CSMD1: variants seen among roughly 807,000 people sequenced by gnomAD.
CSMD1 encodes CUB and Sushi multiple domains 1.
In CSMD1, 213 loss-of-function variants were observed where a neutral mutation model predicts 417.5. The observed-to-expected ratio is 0.51, with a 90% CI of 0.46 to 0.57. The LOEUF is 0.57. Ranked by LOEUF, CSMD1 falls within the 20% of genes least tolerant of loss-of-function variation. The pLI is 0.00. For synonymous variants in CSMD1, 2,862 were observed against 1,736.8 expected (o/e 1.65, Z -16.11); for missense variants, 6,923 against 4,529.7 (o/e 1.53, Z -15.17).
intron 1 of CSMD1, among the ~76,000 whole-genome samples, chr8:4,895,478 T>C (rs1243241156): frequency 6.6e-6 from 1 of 152,174 alleles, no homozygotes; most frequent in Non-Finnish European, 1.5e-5. Context: ...TTGGCATTTG[T>C]CTAGTACATG....
intron 10 of CSMD1, among the ~76,000 whole-genome samples, chr8:3,549,526 T>A (rs1423885100): frequency 6.6e-6 from 1 of 152,176 alleles, no homozygotes; most frequent in African/African-American, 2.4e-5. Flanking sequence ...TCTCCTTTCT[T>A]GGATGGATAA....
intron 5 of CSMD1, among the ~76,000 whole-genome samples, chr8:3,953,929 C>G (rs895773946): frequency 1.3e-5 from 2 of 152,206 alleles, no homozygotes; most frequent in African/African-American, 4.8e-5. Context: ...ACGGCCCTGG[C>G]AAGGGTGGCT....
intron 10 of CSMD1, among the ~76,000 whole-genome samples, chr8:3,506,824 C>T (rs996448737): frequency 6.6e-6 from 1 of 152,044 alleles, no homozygotes; most frequent in African/African-American, 2.4e-5. Context: ...TTTTCAAGGT[C>T]TTAAATTTTA....
rs192801247 is a variant in CSMD1, at chr8:4,009,488, A to G, written c.611-11378T>C. Among the ~76,000 whole-genome samples, 17 of 152,332 alleles carry G rather than the reference A, an allele frequency of 1.1e-4. No homozygotes were observed. The East Asian group carries it at 3.3e-3, about 29-fold the overall frequency. ...ATACATTCAAACCATAGGGTCATCA[A>G]ATGTGTTTACCAAGCATTTATAATA... On this transcript the variant is annotated intron_variant, in intron 4 of 69. Transcript: ENST00000635120.
chr8:4,212,247 C>G (rs2131291037), intron 3 of CSMD1, among the ~76,000 whole-genome samples: 1 of 151,278 alleles, frequency 6.6e-6, no homozygotes, highest in East Asian at 1.9e-4. Flanking sequence ...AATTTTGCAT[C>G]CTTTAACTGA....
At chr8:3,161,602 G>A (rs1195123356) in intron 38 of CSMD1, among the ~76,000 whole-genome samples, 2 of 134,010 alleles carry the variant, frequency 1.5e-5, no homozygotes, top group Non-Finnish European at 3.1e-5. Context: ...CAGCCTGGGT[G>A]ACAGAGCGAG....
chr8:3,486,101 A>C (rs1186299373), intron 11 of CSMD1, among the ~76,000 whole-genome samples: 3 of 152,192 alleles, frequency 2.0e-5, no homozygotes, highest in Non-Finnish European at 4.4e-5. Flanking sequence ...TGGTGCATTA[A>C]ATGACAGTTC....
chr8:4,398,549 A>T (rs573349613), intron 3 of CSMD1, among the ~76,000 whole-genome samples: 3 of 151,718 alleles, frequency 2.0e-5, no homozygotes, highest in Non-Finnish European at 2.9e-5. Flanking sequence ...GCCCGCCACC[A>T]TGCCCGGCCA....
chr8:4,103,874 T>C (rs1240761616), intron 3 of CSMD1, among the ~76,000 whole-genome samples: 1 of 152,202 alleles, frequency 6.6e-6, no homozygotes, highest in African/African-American at 2.4e-5. Flanking sequence ...CTATATCTCT[T>C]GCAGTTAATA....
At chr8:4,574,064 G>C (rs988248081) in intron 2 of CSMD1, among the ~76,000 whole-genome samples, 1 of 152,110 alleles carries the variant, frequency 6.6e-6, no homozygotes, top group Non-Finnish European at 1.5e-5. Context: ...TGGACTCCAT[G>C]GGGGTGGGAC....
intron 1 of CSMD1, among the ~76,000 whole-genome samples, chr8:4,945,288 G>C (rs775366388): frequency 1.3e-5 from 2 of 152,146 alleles, no homozygotes; most frequent in Non-Finnish European, 2.9e-5. Context: ...CAGAGTTTTA[G>C]TTTTGCAAAA....
chr8:4,097,914 G>A (rs562492105), intron 3 of CSMD1, among the ~76,000 whole-genome samples: 10 of 152,156 alleles, frequency 6.6e-5, no homozygotes, highest in African/African-American at 2.4e-4. Context: ...GGAAGAAAAA[G>A]AGCATCATAT....
intron 49 of CSMD1, among the ~76,000 whole-genome samples, chr8:3,079,469 GATTGATAATGAA>G (rs1813926891): frequency 6.6e-6 from 1 of 152,102 alleles, no homozygotes; most frequent in Non-Finnish European, 1.5e-5. Flanking sequence ...CAGAGGAGAA[GATTGATAATGAA>G]ATAGAAGCAA....
intron 10 of CSMD1, among the ~76,000 whole-genome samples, chr8:3,531,548 T>G (rs528832310): frequency 6.6e-6 from 1 of 152,230 alleles, no homozygotes; most frequent in South Asian, 2.1e-4. Context: ...CAGCCAGAAG[T>G]TCTGGGAGCC....
At chr8:4,784,934 T>C (rs1797323117) in intron 1 of CSMD1, among the ~76,000 whole-genome samples, 1 of 151,894 alleles carries the variant, frequency 6.6e-6, no homozygotes, top group Non-Finnish European at 1.5e-5. Context: ...TTTGTAAAGA[T>C]GACTAAATTA....
At chr8:3,914,685 G>A (rs895873843) in intron 5 of CSMD1, among the ~76,000 whole-genome samples, 1 of 152,028 alleles carries the variant, frequency 6.6e-6, no homozygotes, top group Non-Finnish European at 1.5e-5. Context: ...CAGCTTGGTT[G>A]TCAAGTTGAA....
intron 49 of CSMD1, among the ~76,000 whole-genome samples, chr8:3,079,042 G>C (rs1471270): frequency 0.4 from 60,129 of 151,908 alleles, 12,156 homozygotes; most frequent in African/African-American, 0.46. Context: ...CAGGGTCACA[G>C]AGCCAGCAAA....
chr8:3,567,482 A>G (rs1389536206), intron 10 of CSMD1, among the ~76,000 whole-genome samples: 3 of 149,982 alleles, frequency 2.0e-5, no homozygotes, highest in East Asian at 4.0e-4. Context: ...AATAAAAAAC[A>G]ACAAAAGGAA....
At chr8:4,133,361 G>C (rs909824947) in intron 3 of CSMD1, among the ~76,000 whole-genome samples, 4 of 152,178 alleles carry the variant, frequency 2.6e-5, no homozygotes, top group African/African-American at 9.7e-5. Context: ...ACTTCACAAA[G>C]CTTAATAAAG....
Sources: gnomAD v4.1 joint callset for allele counts (sites outside exome capture counted in the v4.1 genomes callset) on GRCh38, gnomAD v4.1.1 for gene constraint, MANE v1.5 for transcripts, NCBI Gene and HGNC (gene_info 2026-07-23, HGNC 2026-07-21) for gene names.